EXOC4: variants seen among roughly 807,000 people sequenced by gnomAD.
The protein encoded by EXOC4 is exocyst complex component 4.
A neutral mutation model predicts 107.2 loss-of-function variants in EXOC4; 71 were observed. The ratio of observed to expected loss-of-function variants is 0.66; its 90% CI spans 0.55 to 0.81. EXOC4 has a LOEUF of 0.81. Ranked by LOEUF, EXOC4 falls within the 30% of genes least tolerant of loss-of-function variation. EXOC4 has a pLI of 0.00. For synonymous variants in EXOC4, 456 were observed against 441.2 expected (o/e 1.03, Z -0.42); for missense variants, 1,108 against 1,189.6 (o/e 0.93, Z 1.01).
chr7:133,946,884 C>A (rs989921019), intron 14 of EXOC4, among the ~76,000 whole-genome samples: 1 of 152,198 alleles, frequency 6.6e-6, no homozygotes, highest in Non-Finnish European at 1.5e-5. Context: ...CCTTTCCTGT[C>A]ATTGAGTGTC....
chr7:133,663,167 T>C (rs1793736090), intron 10 of EXOC4, among the ~76,000 whole-genome samples: 1 of 152,176 alleles, frequency 6.6e-6, no homozygotes, highest in Non-Finnish European at 1.5e-5. Flanking sequence ...TGTGGCTCAC[T>C]GGTATATCCT....
At chr7:133,362,509 C>T (rs1323996015) in intron 6 of EXOC4, among the ~76,000 whole-genome samples, 2 of 152,132 alleles carry the variant, frequency 1.3e-5, no homozygotes, top group Non-Finnish European at 2.9e-5. Flanking sequence ...CTCCTGGTTT[C>T]TCAGTCTGTG....
chr7:133,430,029 T>G (rs965689985), intron 7 of EXOC4, among the ~76,000 whole-genome samples: 1 of 152,216 alleles, frequency 6.6e-6, no homozygotes, highest in African/African-American at 2.4e-5. Flanking sequence ...GGACAGCCTC[T>G]TACACCCTGC....
At chr7:133,709,814 G>A (rs1585094523) in intron 10 of EXOC4, among the ~76,000 whole-genome samples, 2 of 152,166 alleles carry the variant, frequency 1.3e-5, no homozygotes, top group South Asian at 2.1e-4. Context: ...AATGGGGATA[G>A]CAATAGAACC....
intron 9 of EXOC4, among the ~76,000 whole-genome samples, chr7:133,527,763 A>G (rs1204044400): frequency 6.6e-6 from 1 of 152,222 alleles, no homozygotes; most frequent in Non-Finnish European, 1.5e-5. Context: ...AGGCCACTTT[A>G]TGAAGCCCTA....
intron 14 of EXOC4, among the ~76,000 whole-genome samples, chr7:133,991,856 C>G (rs1232857023): frequency 6.6e-6 from 1 of 152,120 alleles, no homozygotes; most frequent in Non-Finnish European, 1.5e-5. Context: ...GTTACCATAG[C>G]TTTGTAGTAC....
intron 1 of EXOC4, among the ~76,000 whole-genome samples, chr7:133,270,011 G>C (rs149025478): frequency 6.6e-6 from 1 of 152,148 alleles, no homozygotes; most frequent in African/African-American, 2.4e-5. Flanking sequence ...CAATTCCCGC[G>C]TGTCGTGGGA....
intron 14 of EXOC4, among the ~76,000 whole-genome samples, chr7:133,978,622 A>G (rs1012877817): frequency 2.6e-5 from 4 of 152,212 alleles, no homozygotes; most frequent in African/African-American, 9.7e-5. Context: ...CAGCCGTTGG[A>G]AGGATACAAA....
intron 6 of EXOC4, among the ~76,000 whole-genome samples, chr7:133,364,308 T>A (rs1294538528): frequency 2.6e-5 from 4 of 151,098 alleles, no homozygotes; most frequent in Non-Finnish European, 5.9e-5. Context: ...TTAAAGTATT[T>A]TTTTTTTTTT....
the EXOC4 span, among the ~76,000 whole-genome samples, chr7:134,093,372 AATT>A: frequency 6.6e-6 from 1 of 152,224 alleles, no homozygotes; most frequent in African/African-American, 2.4e-5. Context: ...AAGAAGACTT[AATT>A]ATTCTAAATA....
chr7:134,055,486 T>G (rs1795899306), intron 17 of EXOC4, among the ~76,000 whole-genome samples: 1 of 152,170 alleles, frequency 6.6e-6, no homozygotes, highest in Admixed American at 6.5e-5. Flanking sequence ...CTCATCACGC[T>G]TTCGTTGATG....
chr7:133,350,377 A>AT (rs1422855623), intron 5 of EXOC4, among the ~76,000 whole-genome samples: 2 of 152,038 alleles, frequency 1.3e-5, no homozygotes, highest in African/African-American at 2.4e-5. Flanking sequence ...ATCCAACTTC[A>AT]TTTTTTGTAT....
At chr7:133,879,226 C>T (rs982258449) in intron 11 of EXOC4, among the ~76,000 whole-genome samples, 7 of 152,014 alleles carry the variant, frequency 4.6e-5, no homozygotes, top group African/African-American at 1.5e-4. Flanking sequence ...TCCAGAGTAG[C>T]AGGGGTTACA....
intron 14 of EXOC4, among the ~76,000 whole-genome samples, chr7:133,988,627 C>T (rs893010982): frequency 6.6e-6 from 1 of 152,134 alleles, no homozygotes; most frequent in African/African-American, 2.4e-5. Context: ...GAGCCATTGA[C>T]CCTTCCTGGG....
intron 13 of EXOC4, among the ~76,000 whole-genome samples, chr7:133,927,258 C>T (rs1275257488): frequency 6.6e-6 from 1 of 152,124 alleles, no homozygotes; most frequent in Non-Finnish European, 1.5e-5. Context: ...CCATCATTAA[C>T]TAGTTTGTTT....
chr7:133,380,493 A>G (rs989231441), intron 7 of EXOC4, among the ~76,000 whole-genome samples: 1 of 152,036 alleles, frequency 6.6e-6, no homozygotes, highest in African/African-American at 2.4e-5. Flanking sequence ...GAAACCTTGT[A>G]TCTATTAGCA....
In EXOC4 at chr7:133,633,340, ATAT is replaced by A. The variant is rs768006377; in HGVS notation, c.1514+3204_1514+3206del. 5.3e-5 allele frequency among the ~76,000 whole-genome samples: 8 copies of A among 152,272 alleles called. No homozygotes were observed. In the East Asian group the frequency reaches 1.2e-3, roughly 22 times the overall value. The stretch of plus-strand genomic sequence containing the variant: ...GTTTCTACTTGTTATCAACTGACTC[ATAT>A]TATTTTTCTGTCCCAATTTGCCAAA... On this transcript the variant is annotated intron_variant, in intron 10 of 17. Coordinates refer to ENST00000253861, the MANE Select transcript of EXOC4 (RefSeq NM_021807.4).
At chr7:133,728,851 A>G (rs922391569) in intron 10 of EXOC4, among the ~76,000 whole-genome samples, 1 of 152,156 alleles carries the variant, frequency 6.6e-6, no homozygotes, top group Non-Finnish European at 1.5e-5. Flanking sequence ...ACTGTTAGTA[A>G]TACAGAACTC....
intron 9 of EXOC4, chr7:133,576,693 C>T: frequency 3.9e-6 from 5 of 1,289,710 alleles, no homozygotes; most frequent in Non-Finnish European, 5.1e-6. Context: ...AGCCGTGAAA[C>T]CATCTCAATG....
Sources: allele counts gnomAD v4.1 joint callset (sites outside exome capture counted in the v4.1 genomes callset), GRCh38; gene constraint gnomAD v4.1.1; transcripts MANE v1.5; gene names NCBI Gene and HGNC (gene_info 2026-07-23, HGNC 2026-07-21).